The following OSBPL3 variants were observed in gnomAD, a reference collection of about 807,000 sequenced individuals.
OSBPL3 encodes oxysterol binding protein like 3, also known as oxysterol-binding protein-related protein 3.
Under a neutral mutation model 120.1 loss-of-function variants are expected in OSBPL3, and 65 were observed. The ratio of observed to expected loss-of-function variants is 0.54; its 90% CI spans 0.44 to 0.67. The LOEUF is 0.67. OSBPL3 is among the 30% of genes least tolerant of loss of function. The probability of loss-of-function intolerance (pLI) is 0.00; values close to 1 mark genes in which losing one functional copy is unlikely to be tolerated. For synonymous variants in OSBPL3, 416 were observed against 402.6 expected, an observed-to-expected ratio of 1.03 and a Z score of -0.40; for missense variants, 1,004 against 1,082.1, an observed-to-expected ratio of 0.93 and a Z score of 1.01.
chr7:24,872,276 T>A lies in OSBPL3; in HGVS notation c.97-207A>T, dbSNP rs917455615. Reference sequence around the variant, plus strand: ...TTTAGTGGCATCAAATTTTGGTTTTTTTAAAGCTCTTTTTTTTTTAGAAGG... The same window carrying A: ...TTTAGTGGCATCAAATTTTGGTTTTATTAAAGCTCTTTTTTTTTTAGAAGG... On this transcript the variant is annotated intron_variant, in intron 2 of 22. Coordinates refer to ENST00000313367, the MANE Select transcript of OSBPL3 (RefSeq NM_015550.4). This position sits in a 1 kb window ranked among gnomAD's most constrained non-coding sequence, Gnocchi z 4.1. Among the ~76,000 whole-genome samples the A allele has an allele frequency of 6.6e-6, 1 of 152,186 alleles. No homozygotes were observed. Among genetic ancestry groups the A allele is most frequent in the African/African-American group, 2.4e-5 (1 of 41,448 alleles).
In OSBPL3 at chr7:24,964,843, C is replaced by T. The variant is rs764706736; in HGVS notation, c.-150+15043G>A. Reference sequence around the variant, plus strand: ...TCTCTACCTCTAAAACTATTCTAAACTTAAAAGTTGTTTTGTGTTGGGGGC... The same window carrying T: ...TCTCTACCTCTAAAACTATTCTAAATTTAAAAGTTGTTTTGTGTTGGGGGC... On this transcript the variant is annotated intron_variant, in intron 1 of 22. Transcript: ENST00000313367. This position sits in a 1 kb window ranked among gnomAD's most constrained non-coding sequence, Gnocchi z 4.2. Among the ~76,000 whole-genome samples the T allele has an allele frequency of 6.6e-6, 1 of 152,148 alleles. No individual in the cohort carries two copies. The highest frequency in any genetic ancestry group is 2.4e-5 in the African/African-American group (1 of 41,428).
At chr7:24,836,344 C>A (rs1294792602) in intron 14 of OSBPL3, among the ~76,000 whole-genome samples, 1 of 152,154 alleles carries the variant, frequency 6.6e-6, no homozygotes, top group Non-Finnish European at 1.5e-5. Context: ...CCACCTTGTT[C>A]TAGCTTACAT....
At chr7:24,923,265 C>T (rs1424908984) in intron 1 of OSBPL3, among the ~76,000 whole-genome samples, 4 of 152,100 alleles carry the variant, frequency 2.6e-5, no homozygotes, top group South Asian at 2.1e-4. Flanking sequence ...AGCGTCTCTG[C>T]TCCTCAGCAA....
In OSBPL3 at chr7:24,947,330, A is replaced by G. The variant is rs1330822648; in HGVS notation, c.-150+32556T>C. 6.6e-6 allele frequency among the ~76,000 whole-genome samples: 1 copy of G among 152,212 alleles called. No individual in the cohort carries two copies. The highest frequency in any genetic ancestry group is 1.5e-5 in the Non-Finnish European group (1 of 68,032). On this transcript the variant is annotated intron_variant, in intron 1 of 22. Coordinates refer to ENST00000313367, the MANE Select transcript of OSBPL3 (RefSeq NM_015550.4). The surrounding 1 kb of genome is among the most constrained non-coding windows in gnomAD (Gnocchi z 4.4). ...TAACATAGAAAAAAAGACAGCTAGG[A>G]AATTCTCTGAATAAAGCTCTTCCAG...
At chr7:24,962,401 G>A (rs1393753978) in intron 1 of OSBPL3, among the ~76,000 whole-genome samples, 1 of 128,016 alleles carries the variant, frequency 7.8e-6, no homozygotes, top group Non-Finnish European at 1.7e-5. Flanking sequence ...GGGGAGGGGA[G>A]GGCAGAAGGG....
chr7:24,936,741 T>C lies in OSBPL3; in HGVS notation c.-150+43145A>G, dbSNP rs1188028183. Among the ~76,000 whole-genome samples the C allele has an allele frequency of 6.6e-6, 1 of 152,206 alleles. No individual in the cohort carries two copies. Among genetic ancestry groups the C allele is most frequent in the Non-Finnish European group, 1.5e-5 (1 of 68,032 alleles). On this transcript the variant is annotated intron_variant, in intron 1 of 22. Transcript: ENST00000313367. This position sits in a 1 kb window ranked among gnomAD's most constrained non-coding sequence, Gnocchi z 4.2. ...TAGGGAAGATGTGAAGGGATATGAT[T>C]CTGGAAACAATCGTGAATAACATGA... is the stretch of plus-strand genomic sequence containing the variant.
At position 24,955,729 on chromosome 7, in the gene OSBPL3, C is replaced by A. The variant is rs1370222065; in HGVS notation, c.-150+24157G>T. 5.3e-5 allele frequency among the ~76,000 whole-genome samples: 8 copies of A among 152,214 alleles called. No homozygotes were observed. Among genetic ancestry groups the A allele is most frequent in the Admixed American group, 5.2e-4 (8 of 15,290 alleles). On this transcript the variant is annotated intron_variant, in intron 1 of 22. Transcript: ENST00000313367. The surrounding 1 kb of genome is among the most constrained non-coding windows in gnomAD (Gnocchi z 4.3). The stretch of plus-strand genomic sequence containing the variant: ...ATCACCTGACATACATATTTATTTG[C>A]TTATAATGCAAACTCCATGAGGGCA...
intron 1 of OSBPL3, among the ~76,000 whole-genome samples, chr7:24,948,459 T>A (rs1440337286): frequency 6.6e-6 from 1 of 152,194 alleles, no homozygotes; most frequent in East Asian, 1.9e-4. Flanking sequence ...GCAATGGTAC[T>A]GAGTCACTGA....
chr7:24,972,430 G>A lies in OSBPL3; in HGVS notation c.-150+7456C>T, dbSNP rs1457085128. Among the ~76,000 whole-genome samples, 2 of 152,150 alleles carry A rather than the reference G, an allele frequency of 1.3e-5. No homozygotes were observed. The highest frequency in any genetic ancestry group is 2.9e-5 in the Non-Finnish European group (2 of 68,026). On this transcript the variant is annotated intron_variant, in intron 1 of 22. Transcript: ENST00000313367. This position sits in a 1 kb window ranked among gnomAD's most constrained non-coding sequence, Gnocchi z 4.3. The stretch of plus-strand genomic sequence containing the variant: ...TTTCTCTCCAGGGTCCCAATTAAAA[G>A]CCAGACTCATTCCCTTTGAGCCACA...
chr7:24,801,739 A>G (rs1792386428), intron 22 of OSBPL3, among the ~76,000 whole-genome samples: 1 of 152,232 alleles, frequency 6.6e-6, no homozygotes. Flanking sequence ...GGGGCTGCAT[A>G]ATAGCTACTG....
rs17213445 is a variant in OSBPL3, at chr7:24,831,324, C to T, written c.1747-419G>A. Among the ~76,000 whole-genome samples, 30,701 of 152,046 alleles carry T rather than the reference C, an allele frequency of 0.2. 3,980 individuals are homozygous for T. Among genetic ancestry groups the T allele is most frequent in the Non-Finnish European group, 0.29 (19,818 of 67,970 alleles). The stretch of plus-strand genomic sequence containing the variant: ...GGAGTGTTAAAAAATCCCTCCAAAA[C>T]TCAGGAATCAGCATCATAAATTTAA... On this transcript the variant is annotated intron_variant, in intron 15 of 22. Transcript: ENST00000313367. The surrounding 1 kb of genome is among the most constrained non-coding windows in gnomAD (Gnocchi z 4.0).
chr7:24,928,241 G>C, intron 1 of OSBPL3, among the ~76,000 whole-genome samples: 1 of 148,542 alleles, frequency 6.7e-6, no homozygotes, highest in Non-Finnish European at 1.5e-5. Context: ...ACCCAGGCTG[G>C]AGTGCAGCAG....
chr7:24,866,028 C>T (rs753607238), intron 6 of OSBPL3, 42 bp downstream of exon 6: 1 of 1,548,794 alleles, frequency 6.5e-7, no homozygotes, highest in South Asian at 1.1e-5. Context: ...TGAAACAAAG[C>T]CACCCCGTTC....
Position 24,891,447 on chromosome 7 carries a change from A to G in OSBPL3, c.96+930T>C, listed in dbSNP as rs549482227. ...GACGTGACTGAGGTGGGAGTTGCTT[A>G]ATTGCTGCTTCCAATTCTGGAACCA... On this transcript the variant is annotated intron_variant, in intron 2 of 22. Coordinates refer to ENST00000313367, the MANE Select transcript of OSBPL3 (RefSeq NM_015550.4). The surrounding 1 kb of genome is among the most constrained non-coding windows in gnomAD (Gnocchi z 4.1). 2.0e-5 allele frequency among the ~76,000 whole-genome samples: 3 copies of G among 152,178 alleles called. No individual in the cohort carries two copies. The highest frequency in any genetic ancestry group is 2.1e-4 in the South Asian group (1 of 4,832).
chr7:24,941,302 G>A (rs1433871117), intron 1 of OSBPL3, among the ~76,000 whole-genome samples: 2 of 152,096 alleles, frequency 1.3e-5, no homozygotes, highest in Non-Finnish European at 2.9e-5. Context: ...AACCCTGGAG[G>A]AATAAAATGA....
chr7:24,867,589 C>G lies in OSBPL3; in HGVS notation c.382-1352G>C, dbSNP rs539872865. Among the ~76,000 whole-genome samples, 47 of 152,282 alleles carry G rather than the reference C, an allele frequency of 3.1e-4. No homozygotes were observed. The South Asian group carries it at 9.4e-3, about 30-fold the overall frequency. ...ACAAACTCTTTCTCTTTGCCTGCCA[C>G]CATCCACAGATGATGTCACTTGCTC... On this transcript the variant is annotated intron_variant, in intron 5 of 22. Coordinates refer to ENST00000313367, the MANE Select transcript of OSBPL3 (RefSeq NM_015550.4). The surrounding 1 kb of genome is among the most constrained non-coding windows in gnomAD (Gnocchi z 4.5).
At chr7:24,874,120 G>A (rs1288496365) in intron 2 of OSBPL3, among the ~76,000 whole-genome samples, 3 of 152,174 alleles carry the variant, frequency 2.0e-5, no homozygotes, top group African/African-American at 7.2e-5. Flanking sequence ...GAATAAGTCT[G>A]CAAACAGATT....
Position 24,863,408 on chromosome 7 carries a change from C to G in OSBPL3, c.777+88G>C. The G allele has an allele frequency of 7.3e-7, 1 of 1,360,596 alleles. No individual in the cohort carries two copies. The highest frequency in any genetic ancestry group is 1.1e-6 in the Non-Finnish European group (1 of 949,596). The allele number at this position is 1,360,596 out of a possible 1,614,324, so 84.3% of individuals were successfully genotyped here. A position where few individuals can be genotyped will look rare whatever the true frequency, so the allele number is the denominator to read the frequency against. ...CTTGACTTTGGCTGAAGCAACTGAC[C>G]ACAGCATCCCACTGTTAGTGAAAGG... On this transcript the variant is annotated intron_variant, in intron 8 of 22. Transcript: ENST00000313367. The surrounding 1 kb of genome is among the most constrained non-coding windows in gnomAD (Gnocchi z 5.8).
Position 24,834,399 on chromosome 7 carries a change from G to T in OSBPL3, c.1746+87C>A. 1 of 1,540,096 alleles carries T rather than the reference G, an allele frequency of 6.5e-7. No homozygotes were observed. The highest frequency in any genetic ancestry group is 8.7e-7 in the Non-Finnish European group (1 of 1,144,774). On this transcript the variant is annotated intron_variant, in intron 15 of 22. Transcript: ENST00000313367. The surrounding 1 kb of genome is among the most constrained non-coding windows in gnomAD (Gnocchi z 5.2). ...AATCAAAATGAAACCGGAGGGAACA[G>T]GGGCTGTCTCTCTGATGGGCCCCGT...
Sources: allele counts gnomAD v4.1 joint callset (sites outside exome capture counted in the v4.1 genomes callset), GRCh38; gene constraint gnomAD v4.1.1; non-coding constraint Gnocchi (gnomAD v3.1); transcripts MANE v1.5; gene names NCBI Gene and HGNC (gene_info 2026-07-23, HGNC 2026-07-21).